CDC42BPA: variants seen among roughly 807,000 people sequenced by gnomAD.
CDC42BPA encodes the protein serine/threonine-protein kinase MRCK alpha.
Under a neutral mutation model 223.5 loss-of-function variants are expected in CDC42BPA, and 80 were observed. The ratio of observed to expected loss-of-function variants is 0.36; its 90% CI spans 0.30 to 0.43. The LOEUF is 0.43. Among genes scored for constraint, CDC42BPA ranks in the 20% least tolerant of loss-of-function variants. The probability of loss-of-function intolerance (pLI) is 1.00; values close to 1 mark genes in which losing one functional copy is unlikely to be tolerated. For missense variants in CDC42BPA, 1,743 were observed against 2,099.9 expected (o/e 0.83, Z 3.32); for synonymous variants, 694 against 718.6 (o/e 0.97, Z 0.55).
At chr1:227,119,029 T>C (rs574267850) in intron 12 of CDC42BPA, among the ~76,000 whole-genome samples, 31 of 152,106 alleles carry the variant, frequency 2.0e-4, no homozygotes, top group Non-Finnish European at 2.6e-4. Flanking sequence ...CTTTCAAATC[T>C]TCCCCAGGAG....
chr1:227,310,394 A>T (rs75453496), intron 1 of CDC42BPA, among the ~76,000 whole-genome samples: 3,166 of 152,274 alleles, frequency 0.021, 125 homozygotes, highest in African/African-American at 0.072. Flanking sequence ...AAAGAGAAGC[A>T]AACAGTTCCA....
chr1:227,171,692 T>C (rs1666131870), intron 5 of CDC42BPA, among the ~76,000 whole-genome samples: 1 of 152,082 alleles, frequency 6.6e-6, no homozygotes, highest in East Asian at 1.9e-4. Context: ...TTAACTTCAC[T>C]AGAACATCAG....
chr1:227,302,045 C>A (rs909018660), intron 1 of CDC42BPA, among the ~76,000 whole-genome samples: 2 of 152,210 alleles, frequency 1.3e-5, no homozygotes. Flanking sequence ...CTGAAACCTT[C>A]TGAACTGCAT....
At position 227,309,295 on chromosome 1, in the gene CDC42BPA, GATT is replaced by G. The variant is rs140679143; in HGVS notation, c.178+7707_178+7709del. On this transcript the variant is annotated intron_variant, in intron 1 of 36. Transcript: ENST00000366766. ...ACAATGAAACTAGATTGTCCTCTAT[GATT>G]ATTATCTGGCCTCCCAAAAACTCTG... 2.2e-3 allele frequency among the ~76,000 whole-genome samples: 337 copies of G among 151,834 alleles called. 9 individuals are homozygous for G. The East Asian group carries it at 0.046, about 21-fold the overall frequency.
Position 227,029,097 on chromosome 1 carries a change from G to A in CDC42BPA, c.3992C>T (p.Ser1331Leu), listed in dbSNP as rs375993481. Residue 1331 changes from serine (S) to leucine (L), a missense_variant, in exon 30 of 37, where the codon TCA (serine) becomes TTA (leucine). Around this residue, in one of 6 missense-constraint regions of CDC42BPA, gnomAD observed 678 missense variants for 777.5 expected, o/e 0.87. Transcript: ENST00000366766. Reference sequence around the variant, plus strand: ...TACGGTTTGACACCCTTTAGTTTCTGACAGCTTGTAAAAATCGGTCTCTCG... The same window carrying A: ...TACGGTTTGACACCCTTTAGTTTCTAACAGCTTGTAAAAATCGGTCTCTCG... Reference protein sequence around the residue: ...DGRETDFYKLSETKGCQTVTS... With the variant: ...DGRETDFYKLLETKGCQTVTS... 4 of 1,613,404 alleles carry A rather than the reference G, an allele frequency of 2.5e-6. No homozygotes were observed. The African/African-American group carries it at 4.0e-5, about 16-fold the overall frequency.
intron 11 of CDC42BPA, among the ~76,000 whole-genome samples, chr1:227,124,156 A>G (rs1461348916): frequency 1.3e-5 from 2 of 152,204 alleles, no homozygotes; most frequent in South Asian, 2.1e-4. Flanking sequence ...AAAACCTACT[A>G]TAACCTACCC....
At chr1:227,313,836 T>C (rs1309024752) in intron 1 of CDC42BPA, among the ~76,000 whole-genome samples, 1 of 144,136 alleles carries the variant, frequency 6.9e-6, no homozygotes, top group Non-Finnish European at 1.5e-5. Flanking sequence ...ATGCTCTAGG[T>C]ACAAATTTAT....
intron 12 of CDC42BPA, among the ~76,000 whole-genome samples, chr1:227,118,589 AT>A (rs149585670): frequency 0.019 from 2,828 of 152,210 alleles, 82 homozygotes; most frequent in African/African-American, 0.063. Context: ...GTCACTATAA[AT>A]CTAGCTATCT....
intron 4 of CDC42BPA, among the ~76,000 whole-genome samples, chr1:227,196,351 T>TTTTCTTTTTTTTTTTTTTTTC (rs1296078210): frequency 2.2e-5 from 3 of 138,836 alleles, no homozygotes; most frequent in Non-Finnish European, 4.7e-5. Flanking sequence ...TTTTTTTTTT[T>TTTTCTTTTTTTTTTTTTTTTC]TTTTTTGAGA....
intron 2 of CDC42BPA, chr1:227,235,250 T>C (rs1211774414): frequency 1.3e-5 from 2 of 152,186 alleles, no homozygotes; most frequent in Admixed American, 1.3e-4. Flanking sequence ...GAAAACTGAC[T>C]AGGGTGACAA....
intron 1 of CDC42BPA, among the ~76,000 whole-genome samples, chr1:227,306,083 C>T (rs1365212160): frequency 1.3e-5 from 2 of 149,920 alleles, no homozygotes; most frequent in Non-Finnish European, 3.0e-5. Flanking sequence ...TTTCAGTAGT[C>T]ACTGAAGTAT....
intron 1 of CDC42BPA, among the ~76,000 whole-genome samples, chr1:227,264,431 T>C (rs1684630846): frequency 7.0e-6 from 1 of 143,884 alleles, no homozygotes; most frequent in African/African-American, 2.9e-5. Flanking sequence ...AGGATCAGAT[T>C]TGTCATTCCC....
chr1:227,179,243 TA>T (rs924937954), intron 5 of CDC42BPA, among the ~76,000 whole-genome samples: 2 of 152,144 alleles, frequency 1.3e-5, no homozygotes, highest in African/African-American at 4.8e-5. Context: ...GAAAATATTC[TA>T]AAATAGATCA....
chr1:227,080,591 T>C (rs1680435321), intron 17 of CDC42BPA, among the ~76,000 whole-genome samples: 1 of 152,162 alleles, frequency 6.6e-6, no homozygotes, highest in African/African-American at 2.4e-5. Flanking sequence ...AGGTAGCAGA[T>C]GAATTCCAAC....
At chr1:227,103,153 A>G (rs1053534618) in intron 14 of CDC42BPA, among the ~76,000 whole-genome samples, 1 of 152,258 alleles carries the variant, frequency 6.6e-6, no homozygotes, top group African/African-American at 2.4e-5. Flanking sequence ...TCTGACCAAC[A>G]TGTAAAATAG....
At chr1:227,093,311 G>A (rs1683418088) in intron 15 of CDC42BPA, among the ~76,000 whole-genome samples, 1 of 152,154 alleles carries the variant, frequency 6.6e-6, no homozygotes, top group Non-Finnish European at 1.5e-5. Flanking sequence ...GCAAAATGTT[G>A]ATCTGCACAA....
Position 227,145,680 on chromosome 1 carries a change from T to G in CDC42BPA, c.952A>C (p.Ile318Leu), listed in dbSNP as rs1660583692. 1 of 1,613,650 alleles carries G rather than the reference T, an allele frequency of 6.2e-7. No individual in the cohort carries two copies. The highest frequency in any genetic ancestry group is 8.5e-7 in the Non-Finnish European group (1 of 1,179,758). Reference protein sequence around the residue: ...TDVSENAKDLIRRLICSREHR... With the variant: ...TDVSENAKDLLRRLICSREHR... ...TCTCTGCTACAAATGAGCCTTCGAA[T>G]AAGATCCTTAGCATTTTCAGACACA... is the stretch of plus-strand genomic sequence containing the variant. Residue 318 changes from isoleucine to leucine, a missense_variant, in exon 8 of 37, where the codon ATT (isoleucine) becomes CTT (leucine). Physicochemically the swap from Ile to Leu is conservative, Grantham distance 5 (BLOSUM62 2). Coordinates refer to ENST00000366766, the MANE Select transcript of CDC42BPA (RefSeq NM_001394014.1).
chr1:227,067,811 A>T (rs1007681703), intron 21 of CDC42BPA, among the ~76,000 whole-genome samples: 2 of 152,200 alleles, frequency 1.3e-5, no homozygotes, highest in African/African-American at 4.8e-5. Context: ...AGAAAGAATA[A>T]AACATTAAAA....
At position 227,027,535 on chromosome 1, in the gene CDC42BPA, GT is replaced by G. The variant is rs1374308751; in HGVS notation, c.4432+1121del. ...CAACTTTTCCATGTAGTTCCCTAGGGTTTTTTTTCCCTTCAGCATTTTAACA... is the reference window on the plus strand; with the variant it reads ...CAACTTTTCCATGTAGTTCCCTAGGGTTTTTTTCCCTTCAGCATTTTAACA... On this transcript the variant is annotated intron_variant, in intron 30 of 36. Transcript: ENST00000366766. 5.3e-5 allele frequency among the ~76,000 whole-genome samples: 8 copies of G among 151,942 alleles called. No homozygotes were observed. The South Asian group carries it at 1.5e-3, about 28-fold the overall frequency.
Sources: allele counts gnomAD v4.1 joint callset (sites outside exome capture counted in the v4.1 genomes callset), GRCh38; gene constraint gnomAD v4.1.1; regional missense constraint gnomAD v4.1.1; transcripts MANE v1.5; gene names NCBI Gene and HGNC (gene_info 2026-07-23, HGNC 2026-07-21).